The following ATP9A variants were observed in gnomAD, a reference collection of about 807,000 sequenced individuals.
ATP9A encodes the protein ATPase phospholipid transporting 9A.
Under a neutral mutation model 144.1 loss-of-function variants are expected in ATP9A, and 52 were observed. That is an observed-to-expected ratio of 0.36 (90% CI 0.29 to 0.45). The LOEUF (loss-of-function observed/expected upper bound fraction) is 0.45. Among genes scored for constraint, ATP9A ranks in the 20% least tolerant of loss-of-function variants. The pLI is 1.00. For synonymous variants in ATP9A, 582 were observed against 557.4 expected (o/e 1.04, Z -0.62); for missense variants, 947 against 1,392.7 (o/e 0.68, Z 5.09).
intron 1 of ATP9A, among the ~76,000 whole-genome samples, chr20:51,745,677 T>C (rs1054171680): frequency 6.6e-6 from 1 of 152,098 alleles, no homozygotes; most frequent in Non-Finnish European, 1.5e-5. Flanking sequence ...CAAATGTCAA[T>C]AGTCCTGCGG....
At chr20:51,639,256 G>C in intron 15 of ATP9A, 87 bp downstream of exon 15, 1 of 1,376,322 alleles carries the variant, frequency 7.3e-7, no homozygotes. Flanking sequence ...ACAGTAAAGA[G>C]GGTTAGAAAG....
intron 4 of ATP9A, among the ~76,000 whole-genome samples, chr20:51,710,960 C>A (rs371223119): frequency 1.3e-5 from 2 of 152,130 alleles, no homozygotes; most frequent in East Asian, 3.8e-4. Context: ...GCACTCTCTC[C>A]GATGGGGCTT....
At chr20:51,635,686 A>T (rs561317560) in intron 15 of ATP9A, among the ~76,000 whole-genome samples, 2 of 151,458 alleles carry the variant, frequency 1.3e-5, no homozygotes, top group Non-Finnish European at 2.9e-5. Context: ...GCAGTGAGCC[A>T]TGATTATGCC....
intron 1 of ATP9A, among the ~76,000 whole-genome samples, chr20:51,764,653 T>C (rs1404480010): frequency 6.6e-6 from 1 of 152,148 alleles, no homozygotes; most frequent in Non-Finnish European, 1.5e-5. Context: ...CAAAACTGCC[T>C]CCTCTCACAA....
intron 1 of ATP9A, among the ~76,000 whole-genome samples, chr20:51,731,356 A>C (rs908313293): frequency 1.4e-4 from 21 of 152,102 alleles, no homozygotes; most frequent in African/African-American, 5.1e-4. Flanking sequence ...TTATTTTAGA[A>C]TAAAAGGATT....
At chr20:51,605,463 C>T (rs1213612301) in intron 26 of ATP9A, among the ~76,000 whole-genome samples, 2 of 151,970 alleles carry the variant, frequency 1.3e-5, no homozygotes, top group Non-Finnish European at 2.9e-5. Context: ...ACAAAAAATA[C>T]AAAAATTAGC....
rs570993590 is a variant in ATP9A at position 51,701,943 on chromosome 20, T to C, written c.437-4461A>G. On this transcript the variant is annotated intron_variant, in intron 4 of 27. Transcript: ENST00000338821. ...TGGGAGGCCGAGGCGGGTGGATTGC[T>C]TGAGCCCAGGAGTTTGAGACCAGCC... is the stretch of plus-strand genomic sequence containing the variant. Among the ~76,000 whole-genome samples, 7 of 151,688 alleles carry C rather than the reference T, an allele frequency of 4.6e-5. No individual in the cohort carries two copies. The South Asian group carries it at 1.5e-3, about 32-fold the overall frequency.
chr20:51,741,243 G>C (rs2077784109), intron 1 of ATP9A, among the ~76,000 whole-genome samples: 1 of 151,956 alleles, frequency 6.6e-6, no homozygotes, highest in South Asian at 2.1e-4. Context: ...CCTTACTCTT[G>C]AACTGATGTC....
At chr20:51,743,790 C>T (rs1276627327) in intron 1 of ATP9A, among the ~76,000 whole-genome samples, 2 of 149,972 alleles carry the variant, frequency 1.3e-5, no homozygotes, top group East Asian at 2.1e-4. Context: ...GGGCGGATCA[C>T]GAGGTCAAGA....
At chr20:51,658,899 G>GGGGGGGGC (rs2077399970) in intron 13 of ATP9A, among the ~76,000 whole-genome samples, 2 of 132,224 alleles carry the variant, frequency 1.5e-5, no homozygotes, top group African/African-American at 6.0e-5. Flanking sequence ...GGGGGGGGGG[G>GGGGGGGGC]GGGGAAGGCT....
intron 15 of ATP9A, among the ~76,000 whole-genome samples, chr20:51,637,104 A>G (rs1182050274): frequency 6.6e-6 from 1 of 151,858 alleles, no homozygotes; most frequent in Non-Finnish European, 1.5e-5. Context: ...AAATAAATAA[A>G]TGTTACTTGT....
At chr20:51,689,006 C>T (rs1284234159) in intron 9 of ATP9A, 58 bp downstream of exon 9, 1 of 1,549,210 alleles carries the variant, frequency 6.5e-7, no homozygotes, top group Non-Finnish European at 8.9e-7. Context: ...ATTCTAATTA[C>T]AAAAGGATTT....
chr20:51,754,201 A>C (rs1245482004), intron 1 of ATP9A, among the ~76,000 whole-genome samples: 1 of 152,050 alleles, frequency 6.6e-6, no homozygotes, highest in African/African-American at 2.4e-5. Context: ...TCAATCTCAG[A>C]TACAGAAAAG....
rs1261904312 is a variant in ATP9A at position 51,657,160 on chromosome 20, G to A, written c.1294-10C>T. ...GTGGGTCCTGGGATTGCTACAGGAA[G>A]GAGAAATGAACAAGGAAGATGACCA... is the stretch of plus-strand genomic sequence containing the variant. On this transcript the variant is annotated splice_polypyrimidine_tract_variant and intron_variant, in intron 13 of 27. Coordinates refer to ENST00000338821, the MANE Select transcript of ATP9A (RefSeq NM_006045.3). The A allele has an allele frequency of 1.2e-6, 2 of 1,607,626 alleles. No individual in the cohort carries two copies. Among genetic ancestry groups the A allele is most frequent in the African/African-American group, 1.3e-5 (1 of 74,806 alleles).
intron 4 of ATP9A, among the ~76,000 whole-genome samples, chr20:51,709,533 C>T (rs190949933): frequency 2.6e-5 from 4 of 152,210 alleles, no homozygotes; most frequent in Non-Finnish European, 4.4e-5. Flanking sequence ...AACTGTGCAG[C>T]CTGGGCAACA....
chr20:51,662,830 G>A (rs1201232671), intron 13 of ATP9A, among the ~76,000 whole-genome samples: 1 of 151,978 alleles, frequency 6.6e-6, no homozygotes, highest in Non-Finnish European at 1.5e-5. Context: ...CAGCACTTTG[G>A]GAGGCTGAGG....
chr20:51,605,738 C>G (rs1010779872), intron 26 of ATP9A, among the ~76,000 whole-genome samples: 6 of 151,726 alleles, frequency 4.0e-5, no homozygotes, highest in Admixed American at 2.6e-4. Flanking sequence ...CATGGCGAAA[C>G]CCTGTCTCTA....
chr20:51,601,271 A>G lies in ATP9A; in HGVS notation c.3084T>C (p.Tyr1028=). ...ACCGTCTTCGCAGGTACTTGAGGAC[A>G]TAGAGGGGGAGGCAGCTGACCAGAG... ...VITLVSCLPL[Y]VLKYLRRRFS... is the part of the protein sequence containing the mutation. The change falls in exon 28 of 28, where the codon TAT becomes TAC. Residue 1028 remains tyrosine, a synonymous_variant. Transcript: ENST00000338821. 6.2e-7 allele frequency: 1 copy of G among 1,614,014 alleles called. No individual in the cohort carries two copies. The highest frequency in any genetic ancestry group is 8.5e-7 in the Non-Finnish European group (1 of 1,179,930).
intron 2 of ATP9A, among the ~76,000 whole-genome samples, chr20:51,726,787 C>T (rs998341279): frequency 3.3e-5 from 5 of 151,902 alleles, no homozygotes; most frequent in Non-Finnish European, 7.4e-5. Flanking sequence ...CTATGTTGCC[C>T]AGGCTGGCCT....
Sources: allele counts gnomAD v4.1 joint callset (sites outside exome capture counted in the v4.1 genomes callset), GRCh38; gene constraint gnomAD v4.1.1; transcripts MANE v1.5; gene names NCBI Gene and HGNC (gene_info 2026-07-23, HGNC 2026-07-21).